The following TMEM65 variants were observed in gnomAD, a reference collection of about 807,000 sequenced individuals.
The protein encoded by TMEM65 is transmembrane protein 65.
A neutral mutation model predicts 25.4 loss-of-function variants in TMEM65; 22 were observed. The observed-to-expected ratio is 0.86, with a 90% confidence interval of 0.62 to 1.23. TMEM65 has a LOEUF of 1.23. Ranked by LOEUF, TMEM65 falls within the 50% of genes most tolerant of loss-of-function variation. The pLI is 0.00. For missense variants in TMEM65, 262 were observed against 308.2 expected, an observed-to-expected ratio of 0.85 and a Z score of 1.12; for synonymous variants, 132 against 126.2, an observed-to-expected ratio of 1.05 and a Z score of -0.31.
intron 1 of TMEM65, among the ~76,000 whole-genome samples, chr8:124,346,043 C>A (rs1369433735): frequency 6.6e-6 from 1 of 152,164 alleles, no homozygotes; most frequent in African/African-American, 2.4e-5. Context: ...CCGTGCCCTG[C>A]CAAGAAAGAA....
chr8:124,343,616 T>C (rs1329455322), intron 1 of TMEM65, among the ~76,000 whole-genome samples: 1 of 152,092 alleles, frequency 6.6e-6, no homozygotes, highest in Non-Finnish European at 1.5e-5. Context: ...TCAGACTGTA[T>C]ACCAATCAGA....
intron 1 of TMEM65, among the ~76,000 whole-genome samples, chr8:124,346,572 C>T (rs570291808): frequency 1.3e-5 from 2 of 152,022 alleles, no homozygotes; most frequent in South Asian, 2.1e-4. Flanking sequence ...AAGAAAAGTA[C>T]CAAAGCAGCT....
intron 1 of TMEM65, among the ~76,000 whole-genome samples, chr8:124,358,667 A>T (rs902157547): frequency 1.1e-4 from 17 of 152,184 alleles, no homozygotes; most frequent in Admixed American, 1.0e-3. Context: ...AGTGGCTCTG[A>T]ATCTATTCTG....
intron 1 of TMEM65, among the ~76,000 whole-genome samples, chr8:124,363,551 T>C (rs956898384): frequency 1.3e-5 from 2 of 152,044 alleles, no homozygotes; most frequent in East Asian, 1.9e-4. Flanking sequence ...ATACCTGATG[T>C]AGACATCCAT....
At chr8:124,370,603 C>T (rs115780743) in intron 1 of TMEM65, among the ~76,000 whole-genome samples, 23 of 152,274 alleles carry the variant, frequency 1.5e-4, no homozygotes, top group African/African-American at 5.3e-4. Flanking sequence ...ATCAATCATC[C>T]ACTATAAATT....
intron 1 of TMEM65, among the ~76,000 whole-genome samples, chr8:124,334,529 G>GC (rs2131207151): frequency 6.6e-6 from 1 of 152,038 alleles, no homozygotes; most frequent in Non-Finnish European, 1.5e-5. Context: ...ATTTTGGGAG[G>GC]CCAAGGTGGG....
chr8:124,371,787 C>T, intron 1 of TMEM65, 67 bp downstream of exon 1: 1 of 1,440,620 alleles, frequency 6.9e-7, no homozygotes. Context: ...CAGCGGGCTC[C>T]CGGTGGGCTG....
intron 1 of TMEM65, among the ~76,000 whole-genome samples, chr8:124,361,252 G>A (rs1417954868): frequency 6.6e-6 from 1 of 151,806 alleles, no homozygotes; most frequent in Non-Finnish European, 1.5e-5. Context: ...TGGCCAACAT[G>A]GCGAGACCCT....
chr8:124,372,104 C>T lies in TMEM65; in HGVS notation c.54G>A (p.Pro18=). 12 of 1,117,004 alleles carry T rather than the reference C, an allele frequency of 1.1e-5. No individual in the cohort carries two copies. In the South Asian group the frequency reaches 1.6e-4, roughly 15 times the overall value. The allele number at this position is 1,117,004 out of a possible 1,614,324, so 69.2% of individuals were successfully genotyped here. A position where few individuals can be genotyped will look rare whatever the true frequency, so the allele number is the denominator to read the frequency against. Residue 18 remains proline, a synonymous_variant, in exon 1 of 7, where the codon CCG becomes CCA. Coordinates refer to ENST00000297632, the MANE Select transcript of TMEM65 (RefSeq NM_194291.3). ...GGGGCGCGGCGGCGGCGGCCGGGCC[C>T]GGCCTCAGGCTGCGCGCGGTCCGGC... ...LRSRTARSLR[P]GPAAAAAPRP...
chr8:124,352,814 T>C (rs1814728919), intron 1 of TMEM65, among the ~76,000 whole-genome samples: 1 of 152,024 alleles, frequency 6.6e-6, no homozygotes, highest in African/African-American at 2.4e-5. Context: ...ACAGGCAGGT[T>C]GGTCTGGTAT....
chr8:124,348,391 C>A (rs144254778), intron 1 of TMEM65, among the ~76,000 whole-genome samples: 6 of 152,008 alleles, frequency 3.9e-5, no homozygotes, highest in Admixed American at 2.0e-4. Context: ...TATATTCCTT[C>A]CCTTCTTTTA....
At chr8:124,369,540 T>C (rs954878684) in intron 1 of TMEM65, among the ~76,000 whole-genome samples, 1 of 152,236 alleles carries the variant, frequency 6.6e-6, no homozygotes, top group Non-Finnish European at 1.5e-5. Flanking sequence ...GAATTAATTT[T>C]GTTAGAAAGT....
chr8:124,362,388 G>A (rs1285865674), intron 1 of TMEM65, among the ~76,000 whole-genome samples: 1 of 151,822 alleles, frequency 6.6e-6, no homozygotes, highest in Non-Finnish European at 1.5e-5. Context: ...TTGGCTGGTC[G>A]CAGTGGCTCA....
At chr8:124,314,116 G>A in intron 6 of TMEM65, 55 bp from the exon 7 acceptor site, 2 of 1,433,320 alleles carry the variant, frequency 1.4e-6, no homozygotes, top group Admixed American at 1.8e-5. Context: ...ATAACAAGAA[G>A]GCAGAGAAAA....
chr8:124,330,415 G>C (rs1814416577), intron 2 of TMEM65, among the ~76,000 whole-genome samples: 1 of 151,820 alleles, frequency 6.6e-6, no homozygotes, highest in Non-Finnish European at 1.5e-5. Flanking sequence ...AGAAATTCTA[G>C]TTCTGCATTT....
At position 124,311,900 on chromosome 8, in the gene TMEM65, T is replaced by G. The variant is rs1814166638; in HGVS notation, c.*2060A>C. ...GACACCTTAAATAATTCTGGAGATG[T>G]TCAGTTAAACCAGTAATTCCCTGGG... On this transcript the variant is annotated 3_prime_UTR_variant, in exon 7 of 7. Coordinates refer to ENST00000297632, the MANE Select transcript of TMEM65 (RefSeq NM_194291.3). The G allele has an allele frequency of 6.6e-6, 1 of 152,494 alleles. No individual in the cohort carries two copies. Among genetic ancestry groups the G allele is most frequent in the South Asian group, 2.1e-4 (1 of 4,820 alleles). 9.4% of individuals were successfully genotyped at this position (152,494 alleles called of 1,614,324 possible).
intron 1 of TMEM65, among the ~76,000 whole-genome samples, chr8:124,335,581 C>T (rs568682188): frequency 1.2e-3 from 177 of 151,978 alleles, no homozygotes; most frequent in African/African-American, 3.8e-3. Context: ...TAAGGATGAA[C>T]GGGGCAGTAA....
chr8:124,365,945 G>A (rs906489547), intron 1 of TMEM65, among the ~76,000 whole-genome samples: 1 of 152,194 alleles, frequency 6.6e-6, no homozygotes, highest in Non-Finnish European at 1.5e-5. Context: ...TACAGGCCGG[G>A]CGTGGAGGTT....
intron 1 of TMEM65, among the ~76,000 whole-genome samples, chr8:124,347,462 C>G (rs1814652515): frequency 6.6e-6 from 1 of 152,036 alleles, no homozygotes; most frequent in Admixed American, 6.6e-5. Context: ...AGGCAAGGGA[C>G]AAAAAACTAC....
Sources: allele counts gnomAD v4.1 joint callset (sites outside exome capture counted in the v4.1 genomes callset), GRCh38; gene constraint gnomAD v4.1.1; transcripts MANE v1.5; gene names NCBI Gene and HGNC (gene_info 2026-07-23, HGNC 2026-07-21).